Variants in PHKA2 observed in about 807,000 individuals in gnomAD.
PHKA2 encodes phosphorylase kinase regulatory subunit alpha 2.
In PHKA2, 31 loss-of-function variants were observed where a neutral mutation model predicts 102.0. The observed-to-expected ratio is 0.30, with a 90% CI of 0.23 to 0.41. The LOEUF (loss-of-function observed/expected upper bound fraction) is 0.41. PHKA2 is among the 10% of genes least tolerant of loss of function. The pLI is 1.00. For synonymous variants in PHKA2, 455 were observed against 416.2 expected (o/e 1.09, Z -1.13); for missense variants, 858 against 1,023.1 (o/e 0.84, Z 2.20).
At chrX:18,952,620 G>T in intron 2 of PHKA2, 79 bp from the exon 3 acceptor site, 1 of 971,333 alleles carries the variant, frequency 1.0e-6, no homozygotes, top group Non-Finnish European at 1.5e-6. Flanking sequence ...ACTGTGGCTG[G>T]CAAGCCAGTG....
At chrX:18,923,425 T>A (rs2048159674) in intron 17 of PHKA2, among the ~76,000 whole-genome samples, 1 of 111,739 alleles carries the variant, frequency 8.9e-6, no homozygotes, top group Admixed American at 9.5e-5. Flanking sequence ...GACCTCTGCC[T>A]TGTGACAGTA....
At chrX:18,897,748 G>A (rs2047600957) in intron 29 of PHKA2, 1 of 166,595 alleles carries the variant, frequency 6.0e-6, no homozygotes. Flanking sequence ...GCACAGTGGG[G>A]ACACAGTCAG....
chrX:18,908,171 A>C, intron 21 of PHKA2, 115 bp from the exon 22 acceptor site: 1 of 733,277 alleles, frequency 1.4e-6, no homozygotes, highest in Non-Finnish European at 2.2e-6. Flanking sequence ...CCTGAGTCTC[A>C]CTGAGAGGGT....
chrX:18,924,488 T>C lies in PHKA2; in HGVS notation c.1607A>G (p.Asn536Ser), dbSNP rs1284628001. 8.3e-7 allele frequency: 1 copy of C among 1,210,618 alleles called. No individual in the cohort carries two copies. The highest frequency in any genetic ancestry group is 1.1e-6 in the Non-Finnish European group (1 of 894,629). The change falls in exon 16 of 33, where the codon AAT becomes AGT. Residue 536 changes from asparagine to serine, a missense_variant. Around this residue, in one of 2 missense-constraint regions of PHKA2, gnomAD observed 671 missense variants for 745.2 expected, o/e 0.90. Coordinates refer to ENST00000379942, the MANE Select transcript of PHKA2 (RefSeq NM_000292.3). The part of the protein sequence containing the change: ...DQHHFYLALD[N>S]EMIVEMLRIE... ...CCTTAGCATCTCCACGATCATCTCA[T>C]TGTCGAGGGCCAGGTAGAAGTGATG...
At chrX:18,982,210 A>G (rs771770286) in intron 1 of PHKA2, among the ~76,000 whole-genome samples, 1 of 111,668 alleles carries the variant, frequency 9.0e-6, no homozygotes, top group East Asian at 2.8e-4. Context: ...GTCCTTCCTC[A>G]AAGCTCTCAA....
chrX:18,983,789 T>A, intron 1 of PHKA2, 66 bp downstream of exon 1: 4 of 950,816 alleles, frequency 4.2e-6, no homozygotes, highest in Non-Finnish European at 6.1e-6. Flanking sequence ...GGGCCAGACC[T>A]GGGAAGGAGA....
intron 1 of PHKA2, among the ~76,000 whole-genome samples, chrX:18,960,588 A>T (rs1166536842): frequency 2.7e-5 from 3 of 111,988 alleles, no homozygotes; most frequent in African/African-American, 9.7e-5. Flanking sequence ...TATTGCAAGG[A>T]TGGCACCAAG....
intron 25 of PHKA2, 148 bp from the exon 26 acceptor site, chrX:18,906,007 T>C: frequency 2.0e-6 from 1 of 498,438 alleles, no homozygotes; most frequent in East Asian, 3.6e-5. Context: ...GCTTTGGGGC[T>C]GAAATGCACT....
chrX:18,959,099 T>G (rs1483812618), intron 1 of PHKA2, among the ~76,000 whole-genome samples: 2 of 112,185 alleles, frequency 1.8e-5, no homozygotes, highest in Non-Finnish European at 3.8e-5. Flanking sequence ...CAGGCTAGAA[T>G]CAAACTGCCG....
chrX:18,977,689 TC>T (rs1479222856), intron 1 of PHKA2, among the ~76,000 whole-genome samples: 54 of 110,572 alleles, frequency 4.9e-4, no homozygotes, highest in African/African-American at 1.7e-3. Context: ...AATTTCAAAG[TC>T]AAAAAAAAAA....
At position 18,931,718 on chromosome X, in the gene PHKA2, C is replaced by T. The variant is rs764009151; in HGVS notation, c.1168G>A (p.Val390Ile). ...ACCTTCCCCATAGGAACTCGGTCTA[C>T]TGTGTGAGGATTCTTGTACTCTTCA... ...VDEEYKNPHT[V>I]DRVPMGKVPH... Residue 390 changes from valine to isoleucine, a missense_variant, in exon 12 of 33, where the codon GTA becomes ATA. By Grantham distance (29) the Val-to-Ile change is conservative. Around this residue, in one of 2 missense-constraint regions of PHKA2, gnomAD observed 671 missense variants for 745.2 expected, o/e 0.90. Coordinates refer to ENST00000379942, the MANE Select transcript of PHKA2 (RefSeq NM_000292.3). 1.3e-5 allele frequency: 16 copies of T among 1,196,426 alleles called. No homozygotes were observed. The highest frequency in any genetic ancestry group is 1.7e-5 in the African/African-American group (1 of 57,468).
chrX:18,969,518 G>GT (rs765994843), intron 1 of PHKA2, among the ~76,000 whole-genome samples: 2,495 of 106,893 alleles, frequency 0.023, 87 homozygotes, highest in East Asian at 0.17. Context: ...AAATGCAATT[G>GT]TTTTTTTTTT....
In PHKA2 at chrX:18,924,520, G is replaced by A. The variant is rs372736260; in HGVS notation, c.1575C>T (p.Thr525=). The change falls in exon 16 of 33, where the codon ACC becomes ACT. Residue 525 remains threonine (T), a synonymous_variant. Transcript: ENST00000379942. ...GGGCCAGGTAGAAGTGATGCTGGTC[G>A]GTGAACTGAAAGTCAGAGGAGGCTG... is the stretch of plus-strand genomic sequence containing the variant. ...NQIFTFTPQF[T]DQHHFYLALD... 1.6e-5 allele frequency: 19 copies of A among 1,208,839 alleles called. No homozygotes were observed. Among genetic ancestry groups the A allele is most frequent in the Non-Finnish European group, 1.8e-5 (16 of 894,403 alleles).
chrX:18,950,008 G>A (rs775459086), intron 4 of PHKA2, among the ~76,000 whole-genome samples: 17 of 112,244 alleles, frequency 1.5e-4, no homozygotes, highest in African/African-American at 3.9e-4. Context: ...AGACATAGCC[G>A]TTAAGTGCCC....
intron 12 of PHKA2, 43 bp from the exon 13 acceptor site, chrX:18,929,349 T>C: frequency 3.5e-6 from 3 of 864,551 alleles, no homozygotes; most frequent in Non-Finnish European, 5.0e-6. Flanking sequence ...ATTGATTAAC[T>C]AAAATTTCAT....
rs1485323150 is a variant in PHKA2, at chrX:18,897,172, G to C, written c.3273C>G (p.Ile1091Met). ...TCGCGTCTCGGCTTACCTTCTGGAG[G>C]ATCTTCCACACCCTCTGGTAGAATC... is the stretch of plus-strand genomic sequence containing the variant. Reference protein sequence around the residue: ...PVGFYQRVWKILQKCHGLSID... With the variant: ...PVGFYQRVWKMLQKCHGLSID... The change falls in exon 30 of 33, where the codon ATC becomes ATG. Residue 1091 changes from isoleucine to methionine, a missense_variant. By Grantham distance (10) the Ile-to-Met change is conservative. Coordinates refer to ENST00000379942, the MANE Select transcript of PHKA2 (RefSeq NM_000292.3). 2 of 1,211,443 alleles carry C rather than the reference G, an allele frequency of 1.7e-6. No individual in the cohort carries two copies. The highest frequency in any genetic ancestry group is 3.5e-5 in the South Asian group (2 of 56,993).
chrX:18,922,309 TATG>T (rs1277455531), intron 17 of PHKA2, among the ~76,000 whole-genome samples: 3 of 112,454 alleles, frequency 2.7e-5, no homozygotes, highest in Non-Finnish European at 5.6e-5. Context: ...CTCTCTCAGT[TATG>T]ATGCCATGCA....
Position 18,906,495 on chromosome X carries a change from C to T in PHKA2, c.2806G>A (p.Gly936Arg), listed in dbSNP as rs1359913477. ...GCTGCAGGAGCTGCGGGCATCTCACCTGAGCAGTTCAGGCTCCGTGCCAGC... is the reference window on the plus strand; with the variant it reads ...GCTGCAGGAGCTGCGGGCATCTCACTTGAGCAGTTCAGGCTCCGTGCCAGC... ...TELARSLNCSGEEASESLMNL... is the reference protein window; with the variant it reads ...TELARSLNCSREEASESLMNL... The change falls in exon 25 of 33, where the codon GGA becomes AGA. Residue 936 changes from glycine (G) to arginine (R), a missense_variant and splice_region_variant. By Grantham distance (125) the Gly-to-Arg change is moderately radical (BLOSUM62 -2). Coordinates refer to ENST00000379942, the MANE Select transcript of PHKA2 (RefSeq NM_000292.3). The T allele has an allele frequency of 8.2e-7, 1 of 1,212,179 alleles. No individual in the cohort carries two copies. The highest frequency in any genetic ancestry group is 3.0e-5 in the East Asian group (1 of 33,857).
chrX:18,969,138 C>T (rs903292151), intron 1 of PHKA2, among the ~76,000 whole-genome samples: 3 of 110,850 alleles, frequency 2.7e-5, no homozygotes, highest in Non-Finnish European at 5.7e-5. Flanking sequence ...AAAAAGTTTC[C>T]CCAAAATCTC....
Sources: gnomAD v4.1 joint callset for allele counts (sites outside exome capture counted in the v4.1 genomes callset) on GRCh38, gnomAD v4.1.1 for gene constraint, gnomAD v4.1.1 regional missense constraint, MANE v1.5 for transcripts, NCBI Gene and HGNC (gene_info 2026-07-23, HGNC 2026-07-21) for gene names.